The following NSD1 variants were observed in gnomAD, a reference collection of about 807,000 sequenced individuals.
NSD1 encodes histone-lysine N-methyltransferase, H3 lysine-36 specific.
NSD1 carries 26 observed loss-of-function variants against 242.7 expected under a neutral mutation model. The ratio of observed to expected loss-of-function variants is 0.11; its 90% CI spans 0.08 to 0.15. The LOEUF is 0.15. NSD1 is among the 10% of genes least tolerant of loss of function. NSD1 has a pLI of 1.00. For missense variants in NSD1, 2,495 were observed against 3,272.8 expected, an observed-to-expected ratio of 0.76 and a Z score of 5.80; for synonymous variants, 1,106 against 1,178.1, an observed-to-expected ratio of 0.94 and a Z score of 1.25.
chr5:177,158,998 T>TA (rs1758458189), intron 2 of NSD1, among the ~76,000 whole-genome samples: 1 of 122,612 alleles, frequency 8.2e-6, no homozygotes. Context: ...ATGAATGATT[T>TA]TATATATATA....
intron 10 of NSD1, among the ~76,000 whole-genome samples, chr5:177,247,259 A>C (rs1195293501): frequency 6.6e-6 from 1 of 152,178 alleles, no homozygotes; most frequent in Non-Finnish European, 1.5e-5. Flanking sequence ...GTGAAACCTC[A>C]TCTCTACTAA....
At chr5:177,217,449 C>T (rs1763863533) in intron 5 of NSD1, among the ~76,000 whole-genome samples, 1 of 152,086 alleles carries the variant, frequency 6.6e-6, no homozygotes, top group Non-Finnish European at 1.5e-5. Flanking sequence ...TGGCTCCTTG[C>T]TTCCCTATTT....
intron 5 of NSD1, among the ~76,000 whole-genome samples, chr5:177,233,557 T>TA (rs1765222038): frequency 1.3e-5 from 2 of 150,640 alleles, no homozygotes; most frequent in East Asian, 1.9e-4. Flanking sequence ...TTTTTTTTTT[T>TA]AAGTAGAGAC....
In NSD1 at chr5:177,158,281, CTTTCTTTCTTTCTTTCTTTCT is replaced by C. The variant is rs1346239954; in HGVS notation, c.927+22263_927+22283del. Among the ~76,000 whole-genome samples the C allele has an allele frequency of 6.8e-3, 698 of 102,672 alleles. 3 individuals are homozygous for C. Among genetic ancestry groups the C allele is most frequent in the Non-Finnish European group, 9.3e-3 (529 of 56,982 alleles). 67.4% of individuals were successfully genotyped at this position (102,672 alleles called of 152,430 possible). A position where few individuals can be genotyped will look rare whatever the true frequency, so the allele number is the denominator to read the frequency against. On this transcript the variant is annotated intron_variant, in intron 2 of 22. Coordinates refer to ENST00000439151, the MANE Select transcript of NSD1 (RefSeq NM_022455.5). The stretch of plus-strand genomic sequence containing the variant: ...TCTTTCTTTCTTTCTTTCTTTCTTT[CTTTCTTTCTTTCTTTCTTTCT>C]TTTCTTTCTTTTCTTTCTTTTCTTT...
At chr5:177,280,541 G>T in intron 17 of NSD1, 24 bp from the exon 18 acceptor site, 1 of 1,614,206 alleles carries the variant, frequency 6.2e-7, no homozygotes. Flanking sequence ...GTTTTATGCG[G>T]TGTACTTTGT....
Position 177,280,550 on chromosome 5 carries a change from G to T in NSD1, c.5623-15G>T. ...TGACTTGTTTTATGCGGTGTACTTT[G>T]TGTTACTTTTCCAGGTAAACCGTCC... On this transcript the variant is annotated splice_polypyrimidine_tract_variant and intron_variant, in intron 17 of 22. Coordinates refer to ENST00000439151, the MANE Select transcript of NSD1 (RefSeq NM_022455.5). The T allele has an allele frequency of 1.9e-6, 3 of 1,614,212 alleles. No individual in the cohort carries two copies. The highest frequency in any genetic ancestry group is 1.7e-6 in the Non-Finnish European group (2 of 1,180,024).
At position 177,209,923 on chromosome 5, in the gene NSD1, G is replaced by A; in HGVS notation, c.1524G>A (p.Arg508=). 1.9e-6 allele frequency: 3 copies of A among 1,614,078 alleles called. No homozygotes were observed. The change falls in exon 5 of 23, where the codon AGG becomes AGA. Residue 508 remains arginine (R), a synonymous_variant. Transcript: ENST00000439151. ...GAAAGAGCTCTGATAATCCAAAAAG[G>A]ACTAGTGTGAAAAAGGGCCACATAC... The part of the protein sequence containing the change: ...RARKSSDNPK[R]TSVKKGHIQF...
At chr5:177,288,577 T>C (rs947336378) in intron 20 of NSD1, 1 of 443,052 alleles carries the variant, frequency 2.3e-6, no homozygotes, top group Non-Finnish European at 4.1e-6. Flanking sequence ...CTTGAGGTAA[T>C]TAACACCTCT....
chr5:177,143,028 T>G (rs146583093), intron 2 of NSD1, among the ~76,000 whole-genome samples: 9 of 152,304 alleles, frequency 5.9e-5, no homozygotes, highest in Non-Finnish European at 1.3e-4. Flanking sequence ...TAACAGTGTA[T>G]AGCATGGTGC....
chr5:177,146,894 C>T (rs1027213897), intron 2 of NSD1, among the ~76,000 whole-genome samples: 15 of 151,722 alleles, frequency 9.9e-5, no homozygotes, highest in African/African-American at 3.6e-4. Context: ...GTAATCCTAG[C>T]TACTCGGGAG....
Position 177,280,914 on chromosome 5 carries a change from C to T in NSD1, c.5892+80C>T, listed in dbSNP as rs1581528315. On this transcript the variant is annotated intron_variant, in intron 18 of 22. Transcript: ENST00000439151. Reference sequence around the variant, plus strand: ...CATTGATCCTTGACATTAGAAAATTCATCATAGAAGAAAATAACACAGTTA... The same window carrying T: ...CATTGATCCTTGACATTAGAAAATTTATCATAGAAGAAAATAACACAGTTA... The T allele has an allele frequency of 5.5e-6, 8 of 1,449,162 alleles. No homozygotes were observed. In the East Asian group the frequency reaches 1.8e-4, roughly 33 times the overall value. 89.8% of individuals were successfully genotyped at this position (1,449,162 alleles called of 1,614,324 possible).
rs571802455 is a variant in NSD1, at chr5:177,233,598, C to T, written c.3797-2223C>T. Among the ~76,000 whole-genome samples the T allele has an allele frequency of 2.0e-4, 29 of 144,824 alleles. No individual in the cohort carries two copies. In the East Asian group the frequency reaches 4.9e-3, roughly 24 times the overall value. ...TTCACCATATTGGCCAGGCTGGTCTCGAACTCCTGAGCCACCGCACCTGCC... is the reference window on the plus strand; with the variant it reads ...TTCACCATATTGGCCAGGCTGGTCTTGAACTCCTGAGCCACCGCACCTGCC... On this transcript the variant is annotated intron_variant, in intron 5 of 22. Coordinates refer to ENST00000439151, the MANE Select transcript of NSD1 (RefSeq NM_022455.5).
intron 11 of NSD1, among the ~76,000 whole-genome samples, chr5:177,249,336 A>C (rs1218023072): frequency 6.6e-6 from 1 of 152,104 alleles, no homozygotes; most frequent in Non-Finnish European, 1.5e-5. Context: ...TCTTTTTTTT[A>C]AATTAGCCAG....
chr5:177,247,787 C>T, intron 10 of NSD1: 1 of 441,666 alleles, frequency 2.3e-6, no homozygotes, highest in Non-Finnish European at 3.0e-6. Flanking sequence ...AGGTCAGCAT[C>T]ACACATTATG....
At chr5:177,209,528 C>CAAAAAAAAAAAAAAAAAAAAATAAAAA (rs560987364) in intron 4 of NSD1, 108 bp from the exon 5 acceptor site, 1 of 457,800 alleles carries the variant, frequency 2.2e-6, no homozygotes. Flanking sequence ...GACTCTGTCT[C>CAAAAAAAAAAAAAAAAAAAAATAAAAA]AAAAAAAAAA....
intron 10 of NSD1, 45 bp from the exon 11 acceptor site, chr5:177,248,136 A>G (rs377301277): frequency 1.2e-6 from 2 of 1,610,810 alleles, no homozygotes; most frequent in Admixed American, 1.7e-5. Context: ...CAAATGGAAG[A>G]GACATCAATA....
chr5:177,288,300 G>A (rs1274514061), intron 20 of NSD1, among the ~76,000 whole-genome samples: 1 of 152,134 alleles, frequency 6.6e-6, no homozygotes, highest in East Asian at 1.9e-4. Context: ...AAAATGGGCT[G>A]CTCAGGATTC....
chr5:177,149,781 G>A (rs1004875338), intron 2 of NSD1, among the ~76,000 whole-genome samples: 3 of 152,076 alleles, frequency 2.0e-5, no homozygotes, highest in African/African-American at 2.4e-5. Context: ...GGGAGCTCAG[G>A]CGATAATGCT....
chr5:177,298,647 T>C lies in NSD1; in HGVS notation c.*3188T>C, dbSNP rs1338665594. On this transcript the variant is annotated 3_prime_UTR_variant, in exon 23 of 23. Transcript: ENST00000439151. ...GAAAATAGTTATTTTATTCTTTACA[T>C]CCTTCACCCCACACTATGGTCAGGG... 8.6e-6 allele frequency: 2 copies of C among 233,314 alleles called. No individual in the cohort carries two copies. Among genetic ancestry groups the C allele is most frequent in the Non-Finnish European group, 1.7e-5 (2 of 118,060 alleles). 14.5% of individuals were successfully genotyped at this position (233,314 alleles called of 1,614,324 possible). A position where few individuals can be genotyped will look rare whatever the true frequency, so the allele number is the denominator to read the frequency against.
Sources: allele counts gnomAD v4.1 joint callset (sites outside exome capture counted in the v4.1 genomes callset), GRCh38; gene constraint gnomAD v4.1.1; transcripts MANE v1.5; gene names NCBI Gene and HGNC (gene_info 2026-07-23, HGNC 2026-07-21).